SRGAP2: variants seen among roughly 807,000 people sequenced by gnomAD.
SRGAP2 encodes SLIT-ROBO Rho GTPase-activating protein 2.
Under a neutral mutation model 57.2 loss-of-function variants are expected in SRGAP2, and 15 were observed. That is an observed-to-expected ratio of 0.26 (90% CI 0.18 to 0.40). The LOEUF is 0.40. SRGAP2 is among the 10% of genes least tolerant of loss of function. The pLI is 1.00. For synonymous variants in SRGAP2, 249 were observed against 248.0 expected, an observed-to-expected ratio of 1.00 and a Z score of -0.04; for missense variants, 520 against 669.6, an observed-to-expected ratio of 0.78 and a Z score of 2.47.
intron 17 of SRGAP2, among the ~76,000 whole-genome samples, chr1:206,444,519 A>G (rs373326954): frequency 7.2e-5 from 11 of 152,262 alleles, no homozygotes; most frequent in Non-Finnish European, 1.3e-4. Context: ...TTGTCAGATC[A>G]CTCTAAAGTA....
At chr1:206,355,989 TA>T (rs1451673022) in intron 4 of SRGAP2, among the ~76,000 whole-genome samples, 1 of 148,204 alleles carries the variant, frequency 6.7e-6, no homozygotes, top group Non-Finnish European at 1.5e-5. Flanking sequence ...AATAAATAAA[TA>T]AAATAAAAAT....
intron 7 of SRGAP2, among the ~76,000 whole-genome samples, 177 bp from the exon 8 acceptor site, chr1:206,401,244 T>C (rs1553355331): frequency 6.6e-6 from 1 of 152,204 alleles, no homozygotes. Flanking sequence ...AACTGTTGAA[T>C]TGGGAGTCAA....
At chr1:206,436,429 T>C (rs1661763285) in intron 14 of SRGAP2, among the ~76,000 whole-genome samples, 2 of 151,864 alleles carry the variant, frequency 1.3e-5, no homozygotes, top group Non-Finnish European at 1.5e-5. Flanking sequence ...TAGCTCATTG[T>C]AGCTTCTAAC....
At chr1:206,218,083 C>T (rs1302120084) in intron 2 of SRGAP2, among the ~76,000 whole-genome samples, 7 of 152,006 alleles carry the variant, frequency 4.6e-5, no homozygotes, top group Non-Finnish European at 7.4e-5. Context: ...CCGAGGCAGG[C>T]GGATCACCTA....
At position 206,425,908 on chromosome 1, in the gene SRGAP2, G is replaced by A. The variant is rs573934901; in HGVS notation, c.1495-4254G>A. On this transcript the variant is annotated intron_variant, in intron 13 of 22. Coordinates refer to ENST00000573034, the MANE Select transcript of SRGAP2 (RefSeq NM_015326.5). ...GTCGCCCAGGCTGGGGTGCAATGGT[G>A]CAATCTTGCCTCACTGCAACCTCCA... Among the ~76,000 whole-genome samples, 10 of 148,000 alleles carry A rather than the reference G, an allele frequency of 6.8e-5. No individual in the cohort carries two copies. The East Asian group carries it at 2.0e-3, about 29-fold the overall frequency.
intron 13 of SRGAP2, among the ~76,000 whole-genome samples, chr1:206,429,569 G>A (rs1461449727): frequency 6.6e-6 from 1 of 152,260 alleles, no homozygotes; most frequent in African/African-American, 2.4e-5. Flanking sequence ...GGAGGACTTT[G>A]CAGAACAGAA....
At chr1:206,444,400 C>A (rs1030412517) in intron 17 of SRGAP2, among the ~76,000 whole-genome samples, 2 of 152,228 alleles carry the variant, frequency 1.3e-5, no homozygotes, top group African/African-American at 2.4e-5. Context: ...TCCCAACATT[C>A]TTCATCTTCC....
intron 2 of SRGAP2, among the ~76,000 whole-genome samples, chr1:206,247,591 T>C (rs1668573061): frequency 6.6e-6 from 1 of 151,096 alleles, no homozygotes; most frequent in Non-Finnish European, 1.5e-5. Flanking sequence ...TTTGTTCTCC[T>C]TCACATTGAG....
intron 2 of SRGAP2, among the ~76,000 whole-genome samples, chr1:206,298,685 T>C (rs1671716724): frequency 6.6e-6 from 1 of 152,208 alleles, no homozygotes; most frequent in African/African-American, 2.4e-5. Context: ...TCAGGAACCT[T>C]TTAAAGAAAT....
intron 10 of SRGAP2, among the ~76,000 whole-genome samples, chr1:206,414,997 C>T (rs182232055): frequency 6.6e-6 from 1 of 152,338 alleles, no homozygotes; most frequent in East Asian, 1.9e-4. Context: ...TATTGTCAAA[C>T]TGCCTGTATT....
At chr1:206,413,524 G>GTGTAGAAAT (rs1659398959) in intron 10 of SRGAP2, among the ~76,000 whole-genome samples, 1 of 152,186 alleles carries the variant, frequency 6.6e-6, no homozygotes, top group Non-Finnish European at 1.5e-5. Context: ...CATGAATAAG[G>GTGTAGAAAT]CAGTAGAAAT....
At chr1:206,272,845 C>T (rs1254497151) in intron 2 of SRGAP2, among the ~76,000 whole-genome samples, 1 of 152,248 alleles carries the variant, frequency 6.6e-6, no homozygotes, top group African/African-American at 2.4e-5. Context: ...CTCCCATCCC[C>T]TGCCCTCCCC....
At chr1:206,416,634 G>A (rs1400186628) in intron 11 of SRGAP2, among the ~76,000 whole-genome samples, 15 of 152,298 alleles carry the variant, frequency 9.8e-5, no homozygotes, top group African/African-American at 3.4e-4. Flanking sequence ...CTCCTCAACT[G>A]TCAAACAGAA....
At chr1:206,291,045 A>G (rs1469010826) in intron 2 of SRGAP2, among the ~76,000 whole-genome samples, 1 of 151,420 alleles carries the variant, frequency 6.6e-6, no homozygotes, top group Non-Finnish European at 1.5e-5. Flanking sequence ...GACAGCGAGA[A>G]TGAGGATTCT....
intron 2 of SRGAP2, among the ~76,000 whole-genome samples, chr1:206,234,877 C>T (rs1404473393): frequency 2.6e-5 from 4 of 151,566 alleles, no homozygotes; most frequent in African/African-American, 9.7e-5. Flanking sequence ...AGAGAGCTTT[C>T]CATAGTAATG....
chr1:206,444,353 C>T (rs1409058052), intron 17 of SRGAP2, among the ~76,000 whole-genome samples: 2 of 152,164 alleles, frequency 1.3e-5, no homozygotes, highest in Non-Finnish European at 2.9e-5. Flanking sequence ...GTCATTGTAG[C>T]CACCTATGAA....
At chr1:206,410,607 T>A (rs1343650818) in intron 10 of SRGAP2, among the ~76,000 whole-genome samples, 3 of 152,192 alleles carry the variant, frequency 2.0e-5, no homozygotes, top group African/African-American at 7.2e-5. Context: ...ACATTAGAAA[T>A]GTAATGAAAG....
rs1664261836 is a variant in SRGAP2, at chr1:206,461,460, GGACT to G, written c.*46_*49del. The stretch of plus-strand genomic sequence containing the variant: ...ATTGTTCTAGACAAGGGGACTATAG[GGACT>G]GACTGTTATTAAAATCTTCCTATTT... On this transcript the variant is annotated 3_prime_UTR_variant, in exon 23 of 23. Coordinates refer to ENST00000573034, the MANE Select transcript of SRGAP2 (RefSeq NM_015326.5). 1 of 677,512 alleles carries G rather than the reference GGACT, an allele frequency of 1.5e-6. No individual in the cohort carries two copies. Among genetic ancestry groups the G allele is most frequent in the South Asian group, 1.7e-5 (1 of 58,386 alleles). 42.0% of individuals were successfully genotyped at this position (677,512 alleles called of 1,614,324 possible). A position where few individuals can be genotyped will look rare whatever the true frequency, so the allele number is the denominator to read the frequency against.
chr1:206,372,189 GTGTC>G (rs1333631127), intron 4 of SRGAP2, among the ~76,000 whole-genome samples: 1 of 47,776 alleles, frequency 2.1e-5, no homozygotes, highest in Non-Finnish European at 3.2e-5. Context: ...AATAGAATCT[GTGTC>G]TGGGTGGGGG....
Sources: allele counts gnomAD v4.1 joint callset (sites outside exome capture counted in the v4.1 genomes callset), GRCh38; gene constraint gnomAD v4.1.1; transcripts MANE v1.5; gene names NCBI Gene and HGNC (gene_info 2026-07-23, HGNC 2026-07-21).